NACA: variants seen among roughly 807,000 people sequenced by gnomAD.
The protein encoded by NACA is nascent polypeptide associated complex subunit alpha.
Under a neutral mutation model 86.4 loss-of-function variants are expected in NACA, and 42 were observed. The ratio of observed to expected loss-of-function variants is 0.49; its 90% confidence interval spans 0.38 to 0.63. The LOEUF is 0.63. Ranked by LOEUF, NACA falls within the 20% of genes least tolerant of loss-of-function variation. The pLI, the probability that NACA is intolerant of heterozygous loss-of-function variation, is 0.00. For missense variants in NACA, 2,157 were observed against 2,483.6 expected, an observed-to-expected ratio of 0.87 and a Z score of 2.80; for synonymous variants, 898 against 973.7, an observed-to-expected ratio of 0.92 and a Z score of 1.45.
In NACA at chr12:56,719,397, A is replaced by G. The variant is rs763441376; in HGVS notation, c.2133T>C (p.Ala711=). 1.9e-5 allele frequency: 31 copies of G among 1,611,938 alleles called. No individual in the cohort carries two copies. Among genetic ancestry groups the G allele is most frequent in the Admixed American group, 1.8e-4 (11 of 59,896 alleles). The change falls in exon 3 of 9, where the codon GCT becomes GCC. Residue 711 remains alanine (A), a synonymous_variant. Coordinates refer to ENST00000454682, the MANE Select transcript of NACA (RefSeq NM_001365896.1). ...GAGCACAGGTATTCTGGGGGGATGG[A>G]GCCACAGGGCAATTTTCTGAAGCTG... The part of the protein sequence containing the change: ...VPTASENCPV[A]PSPQNTCAPL...
chr12:56,715,798 G>A, intron 3 of NACA, 73 bp downstream of exon 3: 1 of 1,333,230 alleles, frequency 7.5e-7, no homozygotes, highest in Non-Finnish European at 1.0e-6. Context: ...CACAGGGTTA[G>A]TATTGGTGGG....
chr12:56,716,441 T>C lies in NACA; in HGVS notation c.5089A>G (p.Thr1697Ala), dbSNP rs1402383787. 1 of 1,582,814 alleles carries C rather than the reference T, an allele frequency of 6.3e-7. No individual in the cohort carries two copies. Among genetic ancestry groups the C allele is most frequent in the Admixed American group, 1.7e-5 (1 of 58,920 alleles). ...APAPESTPIITAPTRKGPQTK... is the reference protein window; with the variant it reads ...APAPESTPIIAAPTRKGPQTK... ...TGTGGACCTTTCCGAGTGGGAGCTGTGATGATTGGCGTGCTTTCTGGAGCT... is the reference window on the plus strand; with the variant it reads ...TGTGGACCTTTCCGAGTGGGAGCTGCGATGATTGGCGTGCTTTCTGGAGCT... Residue 1697 changes from threonine (T) to alanine (A), a missense_variant, in exon 3 of 9, where the codon ACA (threonine) becomes GCA (alanine). Thr to Ala is a moderately conservative substitution (Grantham distance 58). Around this residue, in one of 8 missense-constraint regions of NACA, gnomAD observed 797 missense variants for 777.6 expected, o/e 1.02. Coordinates refer to ENST00000454682, the MANE Select transcript of NACA (RefSeq NM_001365896.1).
At chr12:56,723,050 G>A (rs1466382) in intron 2 of NACA, among the ~76,000 whole-genome samples, 94,013 of 152,084 alleles carry the variant, frequency 0.62, 29,491 homozygotes, top group South Asian at 0.74. Flanking sequence ...ACAGGAAAAC[G>A]CTACCAAACA....
Position 56,719,315 on chromosome 12 carries a change from G to C in NACA, c.2215C>G (p.Leu739Val). ...CCTGGAGGAGTCCCAGCTGGGGGAA[G>C]AGAGGGTGAGGGCACAGACTTTGGG... ...EIPKSVPSPS[L>V]PPAGTPPGTK... Residue 739 changes from leucine to valine, a missense_variant, in exon 3 of 9, where the codon CTT becomes GTT. Around this residue, in one of 8 missense-constraint regions of NACA, gnomAD observed 947 missense variants for 917.9 expected, o/e 1.03. Coordinates refer to ENST00000454682, the MANE Select transcript of NACA (RefSeq NM_001365896.1). 1 of 1,603,612 alleles carries C rather than the reference G, an allele frequency of 6.2e-7. No individual in the cohort carries two copies. The highest frequency in any genetic ancestry group is 1.1e-5 in the South Asian group (1 of 90,020).
chr12:56,713,468 G>A lies in NACA; in HGVS notation c.5970+69C>T, dbSNP rs1953269538. On this transcript the variant is annotated intron_variant, in intron 6 of 8. Coordinates refer to ENST00000454682, the MANE Select transcript of NACA (RefSeq NM_001365896.1). ...CTTCCATAACAGAGAACTATCTGAC[G>A]CAAAATGTCAGCAGTGCTGAGGTTG... is the stretch of plus-strand genomic sequence containing the variant. 7.7e-6 allele frequency: 12 copies of A among 1,549,954 alleles called. No homozygotes were observed. The South Asian group carries it at 8.2e-5, about 11-fold the overall frequency.
chr12:56,713,244 T>A, intron 6 of NACA, 54 bp from the exon 7 acceptor site: 1 of 1,581,982 alleles, frequency 6.3e-7, no homozygotes, highest in Non-Finnish European at 8.6e-7. Flanking sequence ...CTTTGAAAAA[T>A]AAATCATATA....
chr12:56,715,204 C>A (rs918765906), intron 3 of NACA, among the ~76,000 whole-genome samples: 3 of 152,174 alleles, frequency 2.0e-5, no homozygotes, highest in South Asian at 2.1e-4. Context: ...CATTTTCAAA[C>A]CATTCACCCC....
At chr12:56,722,036 C>T (rs890767499) in intron 2 of NACA, among the ~76,000 whole-genome samples, 3 of 152,182 alleles carry the variant, frequency 2.0e-5, no homozygotes, top group African/African-American at 7.2e-5. Context: ...CAGGCTTCCA[C>T]TAGGCTAGGA....
rs769608305 is a variant in NACA, at chr12:56,721,383, G to C, written c.147C>G (p.Cys49Trp). 1.3e-6 allele frequency: 2 copies of C among 1,577,940 alleles called. No individual in the cohort carries two copies. Among genetic ancestry groups the C allele is most frequent in the Admixed American group, 1.9e-5 (1 of 53,468 alleles). The change falls in exon 3 of 9, where the codon TGC (cysteine) becomes TGG (tryptophan). Residue 49 changes from cysteine to tryptophan, a missense_variant. Cys to Trp is a radical substitution (Grantham distance 215). Coordinates refer to ENST00000454682, the MANE Select transcript of NACA (RefSeq NM_001365896.1). The stretch of plus-strand genomic sequence containing the variant: ...GAGGGCACTGTTGTGGGGCAGGAGA[G>C]CAAGGAGGGGGGAGGGTAGGTCCAG... ...GQPGPTLPPPCSPAPQQCPLS... is the reference protein window; with the variant it reads ...GQPGPTLPPPWSPAPQQCPLS...
intron 2 of NACA, among the ~76,000 whole-genome samples, chr12:56,721,983 G>A (rs1392665932): frequency 6.6e-6 from 1 of 152,188 alleles, no homozygotes; most frequent in Non-Finnish European, 1.5e-5. Flanking sequence ...TGACGATGAT[G>A]GGGAATCTGA....
At position 56,716,065 on chromosome 12, in the gene NACA, C is replaced by G; in HGVS notation, c.5465G>C (p.Gly1822Ala). 6.2e-7 allele frequency: 1 copy of G among 1,612,306 alleles called. No individual in the cohort carries two copies. The highest frequency in any genetic ancestry group is 1.3e-5 in the African/African-American group (1 of 74,984). Residue 1822 changes from glycine (G) to alanine (A), a missense_variant, in exon 3 of 9, where the codon GGG becomes GCG. By Grantham distance (60) the Gly-to-Ala change is moderately conservative. Transcript: ENST00000454682. Reference protein sequence around the residue: ...PKQQFLPSSPGLVLESPSKPL... With the variant: ...PKQQFLPSSPALVLESPSKPL... ...TTTAGAGGGTGATTCCAACACCAGC[C>G]CAGGAGAGGACGGCAGAAATTGCTG... is the stretch of plus-strand genomic sequence containing the variant.
At position 56,715,998 on chromosome 12, in the gene NACA, A is replaced by G; in HGVS notation, c.5532T>C (p.Ile1844=). 6.3e-7 allele frequency: 1 copy of G among 1,591,774 alleles called. No individual in the cohort carries two copies. Among genetic ancestry groups the G allele is most frequent in the Non-Finnish European group, 8.6e-7 (1 of 1,167,388 alleles). The change falls in exon 3 of 9, where the codon ATT becomes ATC. Residue 1844 remains isoleucine (I), a synonymous_variant. Coordinates refer to ENST00000454682, the MANE Select transcript of NACA (RefSeq NM_001365896.1). ...PADEDELLPL[I]PPEPISGGVP... is the part of the protein sequence containing the mutation. Reference sequence around the variant, plus strand: ...CTCCCCCAGAGATTGGTTCCGGGGGAATCAGAGGCAGCAGCTCATCCTCAT... The same window carrying G: ...CTCCCCCAGAGATTGGTTCCGGGGGGATCAGAGGCAGCAGCTCATCCTCAT...
intron 2 of NACA, among the ~76,000 whole-genome samples, chr12:56,722,636 C>T (rs1399212833): frequency 6.6e-6 from 1 of 152,030 alleles, no homozygotes. Flanking sequence ...TGCAGTGAGC[C>T]AAGATCGCGC....
intron 2 of NACA, among the ~76,000 whole-genome samples, chr12:56,723,445 A>C (rs1953626498): frequency 6.6e-6 from 1 of 152,202 alleles, no homozygotes. Context: ...TCTTTAGAGA[A>C]CAGTACTTTA....
Position 56,720,767 on chromosome 12 carries a change from G to C in NACA, c.763C>G (p.Leu255Val), listed in dbSNP as rs1360072162. ...QVKDTTISSV[L>V]ISPQNPGSLS... Reference sequence around the variant, plus strand: ...CTTCCTGGGTTTTGTGGAGAAATCAGAACTGAGGAAATGGTGGTATCTTTG... The same window carrying C: ...CTTCCTGGGTTTTGTGGAGAAATCACAACTGAGGAAATGGTGGTATCTTTG... Residue 255 changes from leucine to valine, a missense_variant, in exon 3 of 9, where the codon CTG becomes GTG. Physicochemically the swap from Leu to Val is conservative, Grantham distance 32. This residue lies in a region of NACA where 947 missense variants were observed against 917.9 expected (regional missense o/e 1.03). Transcript: ENST00000454682. 6.2e-7 allele frequency: 1 copy of C among 1,613,882 alleles called. No individual in the cohort carries two copies. The highest frequency in any genetic ancestry group is 8.5e-7 in the Non-Finnish European group (1 of 1,179,894).
chr12:56,718,293 G>A lies in NACA; in HGVS notation c.3237C>T (p.Ala1079=), dbSNP rs375354943. The A allele has an allele frequency of 2.7e-5, 31 of 1,137,576 alleles. No homozygotes were observed. The highest frequency in any genetic ancestry group is 3.3e-5 in the Non-Finnish European group (30 of 912,776). The allele number at this position is 1,137,576 out of a possible 1,614,324, so 70.5% of individuals were successfully genotyped here. The part of the protein sequence containing the change: ...GGPATPSLKG[A]PTPPAATPPS... ...GAGGAGTCGCAGCTGGGGGAGTGGGGGCCCCCTTGAGGGATGGGGTAGCTG... is the reference window on the plus strand; with the variant it reads ...GAGGAGTCGCAGCTGGGGGAGTGGGAGCCCCCTTGAGGGATGGGGTAGCTG... The change falls in exon 3 of 9, where the codon GCC becomes GCT. Residue 1079 remains alanine (A), a synonymous_variant. Transcript: ENST00000454682.
In NACA at chr12:56,712,567, A is replaced by G. The variant is rs753604697; in HGVS notation, c.6223-15T>C. On this transcript the variant is annotated splice_polypyrimidine_tract_variant and intron_variant, in intron 8 of 8. Coordinates refer to ENST00000454682, the MANE Select transcript of NACA (RefSeq NM_001365896.1). ...ATTGTTAATTCCTGTAACAGAGAAA[A>G]GATAATTAGCGGTTCTTATAGGCAA... 2.5e-6 allele frequency: 4 copies of G among 1,613,406 alleles called. No homozygotes were observed. Among genetic ancestry groups the G allele is most frequent in the African/African-American group, 1.3e-5 (1 of 74,884 alleles).
intron 3 of NACA, 163 bp from the exon 4 acceptor site, chr12:56,714,850 T>TA (rs1393436223): frequency 2.0e-5 from 13 of 642,720 alleles, no homozygotes; most frequent in South Asian, 1.1e-4. Flanking sequence ...GCCCCTAACT[T>TA]AGTCACTAAC....
Position 56,716,542 on chromosome 12 carries a change from GC to G in NACA, c.4987del (p.Ala1663ProfsTer19). The G allele has an allele frequency of 6.8e-7, 1 of 1,472,312 alleles. No homozygotes were observed. Among genetic ancestry groups the G allele is most frequent in the Non-Finnish European group, 9.2e-7 (1 of 1,088,796 alleles). 91.2% of individuals were successfully genotyped at this position (1,472,312 alleles called of 1,614,324 possible). A position where few individuals can be genotyped will look rare whatever the true frequency, so the allele number is the denominator to read the frequency against. On this transcript the variant is annotated frameshift_variant, in exon 3 of 9. Transcript: ENST00000454682. LOFTEE classifies it high-confidence loss of function. ...CCCTTTAGATGCTTGAGGAACAGTG[GC>G]CCCCATTTTACATGTGACAGAAGCT... is the stretch of plus-strand genomic sequence containing the variant. ...SPASVTCKMG[A>X]TVPQASKGLP...
Sources: allele counts gnomAD v4.1 joint callset (sites outside exome capture counted in the v4.1 genomes callset), GRCh38; gene constraint gnomAD v4.1.1; regional missense constraint gnomAD v4.1.1; transcripts MANE v1.5; gene names NCBI Gene and HGNC (gene_info 2026-07-23, HGNC 2026-07-21).